Variants in DIPK1A observed in about 807,000 individuals in gnomAD.
The protein encoded by DIPK1A is divergent protein kinase domain 1A.
Under a neutral mutation model 40.8 loss-of-function variants are expected in DIPK1A, and 27 were observed. The ratio of observed to expected loss-of-function variants is 0.66; its 90% confidence interval spans 0.49 to 0.91. DIPK1A has a LOEUF of 0.91. Ranked by LOEUF, DIPK1A falls within the 40% of genes least tolerant of loss-of-function variation. The pLI is 0.00. For synonymous variants in DIPK1A, 166 were observed against 171.3 expected (o/e 0.97, Z 0.24); for missense variants, 412 against 505.7 (o/e 0.81, Z 1.78).
At chr1:92,858,563 T>C (rs1688064003) in intron 2 of DIPK1A, among the ~76,000 whole-genome samples, 1 of 152,212 alleles carries the variant, frequency 6.6e-6, no homozygotes, top group African/African-American at 2.4e-5. Context: ...TACTTTTCTA[T>C]AATATTTAAT....
chr1:92,905,781 TTTTGA>T (rs1367625059), intron 1 of DIPK1A, among the ~76,000 whole-genome samples: 4 of 152,184 alleles, frequency 2.6e-5, no homozygotes, highest in South Asian at 2.1e-4. Flanking sequence ...CTTTAATCCA[TTTTGA>T]TTTGATTTTT....
chr1:92,946,027 G>C (rs187206061), intron 1 of DIPK1A, among the ~76,000 whole-genome samples: 11 of 152,208 alleles, frequency 7.2e-5, no homozygotes, highest in Admixed American at 2.0e-4. Flanking sequence ...CTTTTTAATA[G>C]GGAATTTACA....
chr1:92,953,785 TGAA>T (rs987473022), intron 1 of DIPK1A, among the ~76,000 whole-genome samples: 1 of 152,208 alleles, frequency 6.6e-6, no homozygotes, highest in African/African-American at 2.4e-5. Context: ...CTTTGCAGGA[TGAA>T]GAAGTTCTAG....
intron 1 of DIPK1A, among the ~76,000 whole-genome samples, chr1:92,884,227 G>A (rs549605476): frequency 6.6e-6 from 1 of 152,242 alleles, no homozygotes; most frequent in East Asian, 1.9e-4. Flanking sequence ...GCTGAGGATT[G>A]CTTGAGCTCA....
intron 1 of DIPK1A, among the ~76,000 whole-genome samples, chr1:92,947,269 TA>T (rs1185005528): frequency 3.3e-5 from 5 of 152,288 alleles, no homozygotes; most frequent in South Asian, 4.1e-4. Flanking sequence ...CATTTTAAGA[TA>T]TTTTTTAAAA....
intron 1 of DIPK1A, among the ~76,000 whole-genome samples, chr1:92,889,705 T>C (rs983352220): frequency 6.6e-5 from 10 of 152,058 alleles, no homozygotes; most frequent in African/African-American, 2.4e-4. Context: ...TGGAGTGCAG[T>C]GATGTAATCT....
chr1:92,833,125 G>T, intron 4 of DIPK1A: 1 of 679,590 alleles, frequency 1.5e-6, no homozygotes, highest in Non-Finnish European at 2.7e-6. Context: ...GTAATAAATT[G>T]GGGCCTGCAT....
At chr1:92,905,131 A>G (rs1271873263) in intron 1 of DIPK1A, among the ~76,000 whole-genome samples, 1 of 152,130 alleles carries the variant, frequency 6.6e-6, no homozygotes, top group Non-Finnish European at 1.5e-5. Context: ...GCAGAAACCT[A>G]TTTTATATAC....
intron 1 of DIPK1A, among the ~76,000 whole-genome samples, chr1:92,889,393 T>A (rs1318799524): frequency 6.6e-6 from 1 of 152,230 alleles, no homozygotes; most frequent in Non-Finnish European, 1.5e-5. Context: ...TTTTTGTTAT[T>A]ATAGCTTTGT....
intron 2 of DIPK1A, among the ~76,000 whole-genome samples, chr1:92,851,186 C>G (rs1687806870): frequency 6.6e-6 from 1 of 152,066 alleles, no homozygotes; most frequent in African/African-American, 2.4e-5. Context: ...TCCCACATGA[C>G]ATGGTCTAAG....
chr1:92,897,750 CTT>C (rs143673044), intron 1 of DIPK1A, among the ~76,000 whole-genome samples: 9 of 140,320 alleles, frequency 6.4e-5, no homozygotes, highest in African/African-American at 2.6e-5. Flanking sequence ...TCAGAAGTTC[CTT>C]TTTTTTTTTT....
At chr1:92,878,458 G>C (rs544025147) in intron 1 of DIPK1A, among the ~76,000 whole-genome samples, 1 of 152,024 alleles carries the variant, frequency 6.6e-6, no homozygotes, top group South Asian at 2.1e-4. Flanking sequence ...GCCAAGACAG[G>C]CGAACAACTT....
chr1:92,832,832 T>C (rs991621434), exon 5 of DIPK1A: 3 of 600,266 alleles, frequency 5.0e-6, no homozygotes, highest in Non-Finnish European at 8.9e-6. Context: ...CTGAATGTGC[T>C]CTTGCCCAGT....
At chr1:92,925,941 T>A (rs1164864846) in intron 1 of DIPK1A, among the ~76,000 whole-genome samples, 1 of 152,240 alleles carries the variant, frequency 6.6e-6, no homozygotes, top group Admixed American at 6.5e-5. Flanking sequence ...AGATACATAA[T>A]CATGCTCCTC....
At chr1:92,957,098 A>C (rs1293351059) in intron 1 of DIPK1A, among the ~76,000 whole-genome samples, 1 of 152,238 alleles carries the variant, frequency 6.6e-6, no homozygotes, top group Non-Finnish European at 1.5e-5. Flanking sequence ...GGTGAGAAGG[A>C]AGAAGGTATT....
chr1:92,891,331 C>G (rs766265529), intron 1 of DIPK1A, among the ~76,000 whole-genome samples: 3 of 150,104 alleles, frequency 2.0e-5, no homozygotes, highest in Non-Finnish European at 4.4e-5. Flanking sequence ...TTATTTATTT[C>G]TAATTTTGGG....
intron 2 of DIPK1A, among the ~76,000 whole-genome samples, chr1:92,857,938 G>A (rs928663631): frequency 3.3e-5 from 5 of 152,094 alleles, no homozygotes; most frequent in African/African-American, 9.7e-5. Flanking sequence ...TACCCCTCCC[G>A]AGTGCACCCA....
At chr1:92,919,796 T>C (rs964892973) in intron 1 of DIPK1A, among the ~76,000 whole-genome samples, 4 of 152,330 alleles carry the variant, frequency 2.6e-5, no homozygotes, top group Middle Eastern at 3.4e-3. Flanking sequence ...CTCATTTCCA[T>C]ATATCTAAGG....
At chr1:92,837,629 A>G (rs576330538), downstream of DIPK1A, 83 of 1,611,496 alleles carry the variant, frequency 5.2e-5, no homozygotes, top group South Asian at 8.6e-4. Context: ...GTAACTCCAG[A>G]CATGGTAAAA....
Sources: gnomAD v4.1 joint callset for allele counts (sites outside exome capture counted in the v4.1 genomes callset) on GRCh38, gnomAD v4.1.1 for gene constraint, MANE v1.5 for transcripts, NCBI Gene and HGNC (gene_info 2026-07-23, HGNC 2026-07-21) for gene names.